Variants in MYH1 observed in about 807,000 individuals in gnomAD.
MYH1 encodes the protein myosin heavy chain 1, also known as myosin-1.
MYH1 carries 214 observed loss-of-function variants against 225.6 expected under a neutral mutation model. The observed-to-expected ratio is 0.95, with a 90% CI of 0.85 to 1.06. The LOEUF is 1.06. MYH1 is among the 50% of genes least tolerant of loss of function. The pLI, the probability that MYH1 is intolerant of heterozygous loss-of-function variation, is 0.00. For missense variants in MYH1, 2,098 were observed against 2,344.2 expected (o/e 0.89, Z 2.17); for synonymous variants, 774 against 842.3 (o/e 0.92, Z 1.40).
At chr17:10,504,342 C>T (rs1567718637) in intron 22 of MYH1, among the ~76,000 whole-genome samples, 1 of 152,226 alleles carries the variant, frequency 6.6e-6, no homozygotes, top group Admixed American at 6.5e-5. Context: ...TTGCCATAAT[C>T]CTACTCTTTC....
chr17:10,503,607 A>G (rs1232219946), intron 22 of MYH1, among the ~76,000 whole-genome samples: 1 of 152,238 alleles, frequency 6.6e-6, no homozygotes, highest in Non-Finnish European at 1.5e-5. Context: ...CTGGGAGAGA[A>G]GGGTACTATC....
rs756362900 is a variant in MYH1, at chr17:10,516,403, G to A, written c.204+36C>T. ...TAAGTGCTAACTTAACCCAAAATGA[G>A]GCAGAGTCTAATCAGCTCCAGGTGT... is the stretch of plus-strand genomic sequence containing the variant. On this transcript the variant is annotated intron_variant, in intron 3 of 39. Transcript: ENST00000226207. The A allele has an allele frequency of 3.1e-6, 5 of 1,614,118 alleles. No individual in the cohort carries two copies. The South Asian group carries it at 4.4e-5, about 14-fold the overall frequency.
At chr17:10,517,464 A>T (rs2073240397) in intron 2 of MYH1, among the ~76,000 whole-genome samples, 1 of 152,192 alleles carries the variant, frequency 6.6e-6, no homozygotes, top group South Asian at 2.1e-4. Flanking sequence ...ACATTTTTAT[A>T]ACAATTTCAC....
rs116678109 is a variant in MYH1 at position 10,498,844 on chromosome 17, A to G, written c.3985-22T>C. On this transcript the variant is annotated intron_variant, in intron 29 of 39. Transcript: ENST00000226207. ...TGGCCTGAGAACATAGAGATTGATGACTTAATTTTATATATTTAAAGTGAT... is the reference window on the plus strand; with the variant it reads ...TGGCCTGAGAACATAGAGATTGATGGCTTAATTTTATATATTTAAAGTGAT... The G allele has an allele frequency of 5.8e-4, 932 of 1,612,962 alleles. 7 individuals carry two copies. The African/African-American group carries it at 0.011, about 19-fold the overall frequency.
At chr17:10,504,419 C>G (rs1458546708) in intron 22 of MYH1, among the ~76,000 whole-genome samples, 2 of 152,340 alleles carry the variant, frequency 1.3e-5, no homozygotes, top group African/African-American at 4.8e-5. Flanking sequence ...ATACAAAACT[C>G]AGAATATTGA....
At chr17:10,497,556 A>C in intron 31 of MYH1, 104 bp from the exon 32 acceptor site, 1 of 1,493,418 alleles carries the variant, frequency 6.7e-7, no homozygotes. Context: ...GGGACTGAAA[A>C]AAAATTATGA....
chr17:10,499,314 A>G (rs2142260242), intron 28 of MYH1, among the ~76,000 whole-genome samples: 1 of 152,352 alleles, frequency 6.6e-6, no homozygotes. Flanking sequence ...AGCACAAAAG[A>G]TTTCAAGAGA....
At chr17:10,501,707 C>T (rs1567717656) in intron 25 of MYH1, 23 bp from the exon 26 acceptor site, 7 of 1,614,118 alleles carry the variant, frequency 4.3e-6, no homozygotes, top group Non-Finnish European at 5.1e-6. Context: ...CCCTTTATGT[C>T]AGTCTCAGAA....
chr17:10,513,809 C>T lies in MYH1; in HGVS notation c.741+12G>A, dbSNP rs772055378. ...AAGGCAGAGAAGACCCTTTGGCAACCAAGAGACTTACAAAGCGAGAGGAGT... is the reference window on the plus strand; with the variant it reads ...AAGGCAGAGAAGACCCTTTGGCAACTAAGAGACTTACAAAGCGAGAGGAGT... On this transcript the variant is annotated intron_variant, in intron 8 of 39. Transcript: ENST00000226207. The T allele has an allele frequency of 6.2e-7, 1 of 1,614,138 alleles. No individual in the cohort carries two copies. Among genetic ancestry groups the T allele is most frequent in the Non-Finnish European group, 8.5e-7 (1 of 1,180,004 alleles).
Position 10,508,647 on chromosome 17 carries a change from T to C in MYH1, c.1613A>G (p.Glu538Gly). 1 of 1,614,168 alleles carries C rather than the reference T, an allele frequency of 6.2e-7. No individual in the cohort carries two copies. The highest frequency in any genetic ancestry group is 8.5e-7 in the Non-Finnish European group (1 of 1,180,000). The change falls in exon 16 of 40, where the codon GAA (glutamate) becomes GGA (glycine). Residue 538 changes from glutamate (E) to glycine (G), a missense_variant. Transcript: ENST00000226207. ...CGCCTTGGGGAACATGCACTCCTCTTCCAGGATGGAGAAGATGCCCATAGG... is the reference window on the plus strand; with the variant it reads ...CGCCTTGGGGAACATGCACTCCTCTCCCAGGATGGAGAAGATGCCCATAGG... ...EKPMGIFSIL[E>G]EECMFPKATD...
rs2073184730 is a variant in MYH1, at chr17:10,512,719, G to T, written c.970C>A (p.Pro324Thr). Residue 324 changes from proline (P) to threonine (T), a missense_variant, in exon 11 of 40, where the codon CCC (proline) becomes ACC (threonine). Pro to Thr is a conservative substitution (Grantham distance 38). Transcript: ENST00000226207. ...AFVSQGEITV[P>T]SIDDQEELMA... ...AACTCTTCTTGGTCATCAATGCTGG[G>T]CACTGTGATCTCCCCTTGACTGACG... 5.6e-6 allele frequency: 9 copies of T among 1,613,840 alleles called. No homozygotes were observed. The highest frequency in any genetic ancestry group is 7.6e-6 in the Non-Finnish European group (9 of 1,179,962).
chr17:10,497,001 C>T, intron 33 of MYH1, 68 bp downstream of exon 33: 1 of 1,556,984 alleles, frequency 6.4e-7, no homozygotes, highest in Non-Finnish European at 8.6e-7. Flanking sequence ...CTTGATTCAC[C>T]ATTCCTTACA....
At position 10,508,477 on chromosome 17, in the gene MYH1, C is replaced by T. The variant is rs777594879; in HGVS notation, c.1783G>A (p.Gly595Ser). 7.4e-6 allele frequency: 12 copies of T among 1,614,070 alleles called. No homozygotes were observed. Among genetic ancestry groups the T allele is most frequent in the Middle Eastern group, 3.3e-4 (2 of 6,084 alleles). The change falls in exon 16 of 40, where the codon GGC becomes AGC. Residue 595 changes from glycine (G) to serine (S), a missense_variant. Coordinates refer to ENST00000226207, the MANE Select transcript of MYH1 (RefSeq NM_005963.4). ...GGGTCCTTGTTCTTGTCAAGCCAGC[C>T]GGCAATGTTGTAGTCCACGGTGCCA... is the stretch of plus-strand genomic sequence containing the variant. ...YAGTVDYNIA[G>S]WLDKNKDPLN...
intron 2 of MYH1, 89 bp from the exon 3 acceptor site, chr17:10,516,771 A>G (rs1056684363): frequency 1.1e-5 from 13 of 1,131,588 alleles, no homozygotes; most frequent in South Asian, 1.6e-5. Context: ...TTACTGACCA[A>G]TTGAGTGCTT....
Position 10,513,638 on chromosome 17 carries a change from C to G in MYH1, c.793G>C (p.Asp265His), listed in dbSNP as rs1428140484. ...FGTTGKLASA[D>H]IETYLLEKSR... Reference sequence around the variant, plus strand: ...TCCTGTTACTCACATGTTTCAATATCAGCAGAAGCCAGTTTCCCTGTGGTA... The same window carrying G: ...TCCTGTTACTCACATGTTTCAATATGAGCAGAAGCCAGTTTCCCTGTGGTA... The change falls in exon 9 of 40, where the codon GAT becomes CAT. Residue 265 changes from aspartate (D) to histidine (H), a missense_variant. Physicochemically the swap from Asp to His is moderately conservative, Grantham distance 81. Transcript: ENST00000226207. 2 of 1,614,042 alleles carry G rather than the reference C, an allele frequency of 1.2e-6. No homozygotes were observed. Among genetic ancestry groups the G allele is most frequent in the Non-Finnish European group, 8.5e-7 (1 of 1,179,900 alleles).
chr17:10,516,607 C>CTT lies in MYH1; in HGVS notation c.35_36insAA (p.Ala13ArgfsTer37), dbSNP rs1177337734. 1 of 1,614,066 alleles carries CTT rather than the reference C, an allele frequency of 6.2e-7. No individual in the cohort carries two copies. The highest frequency in any genetic ancestry group is 1.3e-5 in the African/African-American group (1 of 74,916). On this transcript the variant is annotated frameshift_variant, in exon 3 of 40. Transcript: ENST00000226207. LOFTEE classifies it high-confidence loss of function. ...CAGACTTTCGGAGGAAAGGAGCAGC[C>CTT]TCCCCAAAAATGGCCATCTCAGAGT...
In MYH1 at chr17:10,502,846, C is replaced by T. The variant is rs759941187; in HGVS notation, c.3003G>A (p.Lys1001=). The stretch of plus-strand genomic sequence containing the variant: ...TCTGCTGGTGGGCCTCCTGGAGAGC[C>T]TTCTTCTCCTTGGTCAGCTTAGCAA... The part of the protein sequence containing the change: ...ETIAKLTKEK[K]ALQEAHQQTL... Residue 1001 remains lysine (K), a synonymous_variant, in exon 24 of 40, where the codon AAG becomes AAA. Coordinates refer to ENST00000226207, the MANE Select transcript of MYH1 (RefSeq NM_005963.4). 2.5e-6 allele frequency: 4 copies of T among 1,614,046 alleles called. No homozygotes were observed. In the South Asian group the frequency reaches 3.3e-5, roughly 13 times the overall value.
In MYH1 at chr17:10,501,269, C is replaced by T. The variant is rs949878522; in HGVS notation, c.3579G>A (p.Ala1193=). The part of the protein sequence containing the change: ...EEATLQHEAT[A]ATLRKKHADS... ...CTGCATGCTTCTTCCTCAGGGTGGCCGCCGTGGCTTCATGCTGTAGGGTGG... is the reference window on the plus strand; with the variant it reads ...CTGCATGCTTCTTCCTCAGGGTGGCTGCCGTGGCTTCATGCTGTAGGGTGG... The change falls in exon 27 of 40, where the codon GCG becomes GCA. Residue 1193 remains alanine, a synonymous_variant. Transcript: ENST00000226207. 96 of 1,614,058 alleles carry T rather than the reference C, an allele frequency of 5.9e-5. No homozygotes were observed. Among genetic ancestry groups the T allele is most frequent in the Middle Eastern group, 1.6e-4 (1 of 6,084 alleles).
chr17:10,494,911 A>T lies in MYH1; in HGVS notation c.5466+20T>A, dbSNP rs1369183072. ...TTGGATTGGAATGAGATAGAAATAC[A>T]TGCTGATTAGGAGACCCACCCTGGC... On this transcript the variant is annotated intron_variant, in intron 37 of 39. Coordinates refer to ENST00000226207, the MANE Select transcript of MYH1 (RefSeq NM_005963.4). The T allele has an allele frequency of 3.7e-6, 6 of 1,614,112 alleles. No homozygotes were observed. The highest frequency in any genetic ancestry group is 5.1e-6 in the Non-Finnish European group (6 of 1,180,002).
Sources: allele counts gnomAD v4.1 joint callset (sites outside exome capture counted in the v4.1 genomes callset), GRCh38; gene constraint gnomAD v4.1.1; transcripts MANE v1.5; gene names NCBI Gene and HGNC (gene_info 2026-07-23, HGNC 2026-07-21).